The following MALRD1 variants were observed in gnomAD, a reference collection of about 807,000 sequenced individuals.
MALRD1 encodes the protein MAM and LDL-receptor class A domain-containing protein 1.
A neutral mutation model predicts 242.1 loss-of-function variants in MALRD1; 247 were observed. That is an observed-to-expected ratio of 1.02 (90% CI 0.92 to 1.13). The LOEUF (loss-of-function observed/expected upper bound fraction) is 1.13, where lower values mean the gene tolerates loss of function less well. MALRD1 is among the 50% of genes most tolerant of loss of function. MALRD1 has a pLI of 0.00. For synonymous variants in MALRD1, 995 were observed against 866.6 expected, an observed-to-expected ratio of 1.15 and a Z score of -2.60; for missense variants, 2,989 against 2,533.1, an observed-to-expected ratio of 1.18 and a Z score of -3.86.
Position 19,631,323 on chromosome 10 carries a change from C to A in MALRD1, c.6137+15400C>A, listed in dbSNP as rs1480733605. Among the ~76,000 whole-genome samples, 6 of 152,240 alleles carry A rather than the reference C, an allele frequency of 3.9e-5. No individual in the cohort carries two copies. The East Asian group carries it at 1.2e-3, about 30-fold the overall frequency. ...TCCATGTTCTTGTAAAGGACATAAT[C>A]TCTTTGTTTTTTATGGCTGCATAGT... On this transcript the variant is annotated intron_variant, in intron 36 of 39. Transcript: ENST00000454679.
intron 26 of MALRD1, among the ~76,000 whole-genome samples, chr10:19,376,001 A>C (rs1440358637): frequency 1.3e-5 from 2 of 152,208 alleles, no homozygotes; most frequent in East Asian, 3.9e-4. Flanking sequence ...GCACACCTGT[A>C]GTCCCAGCTA....
chr10:19,454,713 TACAC>T lies in MALRD1; in HGVS notation c.5029+4257_5029+4260del, dbSNP rs35489123. On this transcript the variant is annotated intron_variant, in intron 29 of 39. Coordinates refer to ENST00000454679, the MANE Select transcript of MALRD1 (RefSeq NM_001142308.3). ...AAATCGAGGACTGTCCGTGCACACG[TACAC>T]ACACACACACACACACACACACACA... is the stretch of plus-strand genomic sequence containing the variant. 5.7e-3 allele frequency among the ~76,000 whole-genome samples: 757 copies of T among 132,362 alleles called. 6 individuals carry two copies. Among genetic ancestry groups the T allele is most frequent in the South Asian group, 0.019 (69 of 3,668 alleles). The allele number at this position is 132,362 out of a possible 152,430, so 86.8% of individuals were successfully genotyped here.
At chr10:19,525,644 G>A (rs1834069812) in intron 31 of MALRD1, among the ~76,000 whole-genome samples, 1 of 152,138 alleles carries the variant, frequency 6.6e-6, no homozygotes, top group Non-Finnish European at 1.5e-5. Flanking sequence ...TAAAATCTGT[G>A]CCCCAGGAAT....
chr10:19,453,446 A>G (rs1835435475), intron 29 of MALRD1, among the ~76,000 whole-genome samples: 3 of 152,242 alleles, frequency 2.0e-5, no homozygotes, highest in Non-Finnish European at 4.4e-5. Context: ...TATAGTGATC[A>G]TTGTACAACT....
At chr10:19,427,775 A>G (rs574429298) in intron 28 of MALRD1, among the ~76,000 whole-genome samples, 7 of 152,274 alleles carry the variant, frequency 4.6e-5, no homozygotes, top group Admixed American at 3.9e-4. Flanking sequence ...TATAATTTAT[A>G]TATAGAACAT....
chr10:19,062,744 A>C (rs1394013006), intron 1 of MALRD1, among the ~76,000 whole-genome samples: 2 of 152,144 alleles, frequency 1.3e-5, no homozygotes, highest in Non-Finnish European at 2.9e-5. Context: ...GAGAAATGGA[A>C]AGGTGGTGTT....
At position 19,209,354 on chromosome 10, in the gene MALRD1, G is replaced by A. The variant is rs1202020565; in HGVS notation, c.2665G>A (p.Gly889Ser). The stretch of plus-strand genomic sequence containing the variant: ...TGACTTTGATTGGACCAGGAGCCAG[G>A]GTCCAACTCCAACACTTAACACAGG... ...KDDFDWTRSQ[G>S]PTPTLNTGPM... is the part of the protein sequence containing the mutation. Residue 889 changes from glycine to serine, a missense_variant, in exon 18 of 40, where the codon GGT (glycine) becomes AGT (serine). Gly to Ser is a moderately conservative substitution (Grantham distance 56, BLOSUM62 0). Coordinates refer to ENST00000454679, the MANE Select transcript of MALRD1 (RefSeq NM_001142308.3). 2 of 1,550,718 alleles carry A rather than the reference G, an allele frequency of 1.3e-6. No homozygotes were observed. Among genetic ancestry groups the A allele is most frequent in the Non-Finnish European group, 1.7e-6 (2 of 1,147,004 alleles).
intron 33 of MALRD1, among the ~76,000 whole-genome samples, chr10:19,591,497 GTTTTTTT>G (rs35785107): frequency 8.6e-6 from 1 of 116,296 alleles, no homozygotes; most frequent in Non-Finnish European, 1.8e-5. Context: ...TTTTATTTTA[GTTTTTTT>G]TTTTTTTTTT....
chr10:19,331,316 A>C, intron 23 of MALRD1, 53 bp from the exon 24 acceptor site: 1 of 1,381,814 alleles, frequency 7.2e-7, no homozygotes, highest in Non-Finnish European at 1.0e-6. Context: ...GTGTTTGCCC[A>C]GGTTTTGAAC....
intron 31 of MALRD1, among the ~76,000 whole-genome samples, chr10:19,504,155 C>T (rs889080908): frequency 1.3e-5 from 2 of 152,140 alleles, no homozygotes; most frequent in Non-Finnish European, 2.9e-5. Context: ...ACTGTACTTC[C>T]TATGGGCAGA....
chr10:19,343,063 TC>T (rs1843954863), intron 24 of MALRD1, among the ~76,000 whole-genome samples: 1 of 152,126 alleles, frequency 6.6e-6, no homozygotes, highest in African/African-American at 2.4e-5. Flanking sequence ...ACTGCCTTTT[TC>T]TTTGTAGGAA....
chr10:19,539,352 C>T lies in MALRD1; in HGVS notation c.5478+8001C>T, dbSNP rs73595829. On this transcript the variant is annotated intron_variant, in intron 32 of 39. Coordinates refer to ENST00000454679, the MANE Select transcript of MALRD1 (RefSeq NM_001142308.3). ...CTATCCTTATAACTACTATGCTTTTCTGCCTTTCAGAACTAGAGGGCTATT... is the reference window on the plus strand; with the variant it reads ...CTATCCTTATAACTACTATGCTTTTTTGCCTTTCAGAACTAGAGGGCTATT... 6.2e-3 allele frequency among the ~76,000 whole-genome samples: 950 copies of T among 152,258 alleles called. 8 individuals are homozygous for T. Among genetic ancestry groups the T allele is most frequent in the African/African-American group, 0.019 (800 of 41,556 alleles).
In MALRD1 at chr10:19,527,540, A is replaced by G. The variant is rs1358659714; in HGVS notation, c.5321-3654A>G. Among the ~76,000 whole-genome samples, 4 of 152,330 alleles carry G rather than the reference A, an allele frequency of 2.6e-5. No homozygotes were observed. The East Asian group carries it at 7.7e-4, about 29-fold the overall frequency. On this transcript the variant is annotated intron_variant, in intron 31 of 39. Transcript: ENST00000454679. ...TTCAACATCAGGTTGACACTACAAC[A>G]TGGAAAAAGAAATATTTAAAGTCTG...
chr10:19,325,757 A>G (rs1440195166), intron 22 of MALRD1, among the ~76,000 whole-genome samples: 3 of 152,044 alleles, frequency 2.0e-5, no homozygotes, highest in Non-Finnish European at 2.9e-5. Flanking sequence ...CCCCCTTTTA[A>G]ATACTATTAG....
chr10:19,473,169 C>G (rs1436253355), intron 29 of MALRD1, among the ~76,000 whole-genome samples: 1 of 146,090 alleles, frequency 6.8e-6, no homozygotes, highest in Admixed American at 6.8e-5. Context: ...AACAAGCTTT[C>G]ACATTTCTTA....
chr10:19,352,719 G>C (rs1038151331), intron 26 of MALRD1, among the ~76,000 whole-genome samples: 1 of 152,152 alleles, frequency 6.6e-6, no homozygotes, highest in African/African-American at 2.4e-5. Context: ...TGGACCATGA[G>C]CATGCCAATT....
chr10:19,448,741 A>G (rs966370492), intron 28 of MALRD1, among the ~76,000 whole-genome samples: 9 of 151,976 alleles, frequency 5.9e-5, no homozygotes, highest in Non-Finnish European at 1.3e-4. Context: ...TTATCTTTTC[A>G]ATTAAAAAAT....
chr10:19,323,876 C>G (rs1315759755), intron 21 of MALRD1, 73 bp from the exon 22 acceptor site: 7 of 1,410,296 alleles, frequency 5.0e-6, no homozygotes, highest in Admixed American at 4.3e-5. Flanking sequence ...CTCCCAAATT[C>G]CTGGGATTAC....
intron 31 of MALRD1, among the ~76,000 whole-genome samples, chr10:19,524,872 T>A (rs999581563): frequency 1.3e-5 from 2 of 150,692 alleles, no homozygotes; most frequent in Admixed American, 6.6e-5. Context: ...AAGCATACCT[T>A]TCCTTTATTT....
Sources: gnomAD v4.1 joint callset for allele counts (sites outside exome capture counted in the v4.1 genomes callset) on GRCh38, gnomAD v4.1.1 for gene constraint, MANE v1.5 for transcripts, NCBI Gene and HGNC (gene_info 2026-07-23, HGNC 2026-07-21) for gene names.